The following WDFY4 variants were observed in gnomAD, a reference collection of about 807,000 sequenced individuals.
WDFY4 encodes the protein WD repeat- and FYVE domain-containing protein 4.
WDFY4 carries 169 observed loss-of-function variants against 351.9 expected under a neutral mutation model. The observed-to-expected ratio is 0.48, with a 90% CI of 0.42 to 0.55. The LOEUF is 0.55. Among genes scored for constraint, WDFY4 ranks in the 20% least tolerant of loss-of-function variants. WDFY4 has a pLI of 0.00. For synonymous variants in WDFY4, 1,622 were observed against 1,574.6 expected (o/e 1.03, Z -0.71); for missense variants, 3,803 against 3,935.6 (o/e 0.97, Z 0.90).
At chr10:48,741,204 C>T (rs926595035) in intron 11 of WDFY4, among the ~76,000 whole-genome samples, 3 of 152,078 alleles carry the variant, frequency 2.0e-5, no homozygotes, top group African/African-American at 4.8e-5. Context: ...ACTGACTACT[C>T]GCCCAGCAGC....
chr10:48,692,164 A>T (rs1250705866), intron 1 of WDFY4, among the ~76,000 whole-genome samples: 1 of 152,228 alleles, frequency 6.6e-6, no homozygotes, highest in Non-Finnish European at 1.5e-5. Context: ...GTGTAGGGTG[A>T]TTGAATGGCC....
At chr10:48,710,498 C>G (rs1395361577) in intron 2 of WDFY4, among the ~76,000 whole-genome samples, 1 of 152,178 alleles carries the variant, frequency 6.6e-6, no homozygotes, top group Non-Finnish European at 1.5e-5. Context: ...AAAGGACAGA[C>G]AGTTAGCTTC....
chr10:48,842,388 T>C (rs1259026268), intron 39 of WDFY4, among the ~76,000 whole-genome samples: 1 of 152,068 alleles, frequency 6.6e-6, no homozygotes, highest in African/African-American at 2.4e-5. Flanking sequence ...CTGCAGGGAA[T>C]GGTCGCCTGT....
At chr10:48,859,630 A>C (rs2069264481) in intron 39 of WDFY4, among the ~76,000 whole-genome samples, 1 of 152,084 alleles carries the variant, frequency 6.6e-6, no homozygotes. Flanking sequence ...TAATATAAGA[A>C]ATTTTGCAGC....
Position 48,748,559 on chromosome 10 carries a change from T to C in WDFY4, c.2459+5011T>C, listed in dbSNP as rs574147674. Among the ~76,000 whole-genome samples the C allele has an allele frequency of 1.5e-4, 23 of 152,342 alleles. No individual in the cohort carries two copies. The South Asian group carries it at 3.9e-3, about 26-fold the overall frequency. On this transcript the variant is annotated intron_variant, in intron 12 of 61. Coordinates refer to ENST00000325239, the MANE Select transcript of WDFY4 (RefSeq NM_001394531.1). ...GACACGACAGCCTGCAGTTTGAAGA[T>C]TGGGTTCTAACCAATGGACTGCGTC... is the stretch of plus-strand genomic sequence containing the variant.
intron 25 of WDFY4, among the ~76,000 whole-genome samples, chr10:48,804,322 A>G (rs541721166): frequency 6.4e-4 from 98 of 152,314 alleles, no homozygotes; most frequent in African/African-American, 2.2e-3. Context: ...CGCACCCTGT[A>G]CTTAGAGGTA....
At chr10:48,705,494 TGA>T (rs1179088937) in intron 1 of WDFY4, among the ~76,000 whole-genome samples, 2 of 151,978 alleles carry the variant, frequency 1.3e-5, no homozygotes, top group African/African-American at 2.4e-5. Flanking sequence ...ATGAGACGGA[TGA>T]GAGTGTTTTT....
At chr10:48,852,543 G>A (rs763305789) in intron 39 of WDFY4, among the ~76,000 whole-genome samples, 1 of 152,196 alleles carries the variant, frequency 6.6e-6, no homozygotes, top group Admixed American at 6.5e-5. Context: ...TCTGTTCCCT[G>A]TTCCATTCTC....
chr10:48,838,991 CT>C (rs2068505080), intron 39 of WDFY4, among the ~76,000 whole-genome samples: 1 of 152,196 alleles, frequency 6.6e-6, no homozygotes, highest in South Asian at 2.1e-4. Flanking sequence ...GAATCCCATG[CT>C]GCAGTTTCAG....
intron 47 of WDFY4, among the ~76,000 whole-genome samples, chr10:48,908,843 A>C (rs909748425): frequency 4.6e-5 from 7 of 152,034 alleles, no homozygotes; most frequent in Non-Finnish European, 5.9e-5. Context: ...CCACCACCAC[A>C]ATCGACATAC....
chr10:48,823,071 C>T (rs1044655685), intron 35 of WDFY4: 5 of 1,202,394 alleles, frequency 4.2e-6, no homozygotes, highest in Non-Finnish European at 5.5e-6. Context: ...CAAATGCATA[C>T]CTGTAGGGCC....
intron 37 of WDFY4, 137 bp from the exon 38 acceptor site, chr10:48,830,563 C>A (rs2133057941): frequency 1.0e-6 from 1 of 955,726 alleles, no homozygotes; most frequent in Non-Finnish European, 1.5e-6. Flanking sequence ...CTCGCTGAAG[C>A]TTGCAAAGCT....
At chr10:48,890,554 T>C (rs1381183655) in intron 43 of WDFY4, 25 bp from the exon 44 acceptor site, 1 of 1,551,372 alleles carries the variant, frequency 6.4e-7, no homozygotes, top group Admixed American at 2.0e-5. Flanking sequence ...GTGCACCACC[T>C]GACTCTGCCA....
chr10:48,902,817 A>C (rs1837424835), intron 47 of WDFY4, among the ~76,000 whole-genome samples: 1 of 152,076 alleles, frequency 6.6e-6, no homozygotes, highest in South Asian at 2.1e-4. Flanking sequence ...ACAATCTTTG[A>C]ATTAATACTT....
intron 24 of WDFY4, among the ~76,000 whole-genome samples, chr10:48,799,758 A>C (rs1042342892): frequency 5.3e-5 from 8 of 152,236 alleles, no homozygotes; most frequent in African/African-American, 1.9e-4. Context: ...GGGCGACAAG[A>C]GCGAGACTTC....
intron 39 of WDFY4, among the ~76,000 whole-genome samples, chr10:48,833,615 C>A (rs76741844): frequency 0.041 from 6,308 of 152,252 alleles, 201 homozygotes; most frequent in East Asian, 0.12. Flanking sequence ...ACATGTGGGA[C>A]TGGAAATGTT....
chr10:48,871,531 G>C (rs545743159), intron 40 of WDFY4, among the ~76,000 whole-genome samples: 1 of 149,212 alleles, frequency 6.7e-6, no homozygotes, highest in Non-Finnish European at 1.5e-5. Context: ...CTGAAGTACA[G>C]TCATGTAAAT....
chr10:48,951,509 G>C (rs1445564908), intron 51 of WDFY4, among the ~76,000 whole-genome samples: 3 of 152,072 alleles, frequency 2.0e-5, no homozygotes, highest in African/African-American at 7.2e-5. Context: ...GGAACTCCAG[G>C]GCTCGAGCAA....
chr10:48,885,393 G>A (rs1175595035), intron 43 of WDFY4, among the ~76,000 whole-genome samples: 1 of 152,192 alleles, frequency 6.6e-6, no homozygotes, highest in African/African-American at 2.4e-5. Flanking sequence ...AGTGAACACA[G>A]GTTATGGTGA....
Sources: allele counts gnomAD v4.1 joint callset (sites outside exome capture counted in the v4.1 genomes callset), GRCh38; gene constraint gnomAD v4.1.1; transcripts MANE v1.5; gene names NCBI Gene and HGNC (gene_info 2026-07-23, HGNC 2026-07-21).